ABHD5: variants seen among roughly 807,000 people sequenced by gnomAD.
ABHD5 encodes 1-acylglycerol-3-phosphate O-acyltransferase ABHD5.
In ABHD5, 30 loss-of-function variants were observed where a neutral mutation model predicts 44.9. That is an observed-to-expected ratio of 0.67 (90% confidence interval 0.50 to 0.91). The LOEUF is 0.91. Among genes scored for constraint, ABHD5 ranks in the 40% least tolerant of loss-of-function variants. ABHD5 has a pLI of 0.00. For missense variants in ABHD5, 399 were observed against 423.4 expected, an observed-to-expected ratio of 0.94 and a Z score of 0.50; for synonymous variants, 167 against 147.0, an observed-to-expected ratio of 1.14 and a Z score of -0.99.
At chr3:43,714,836 G>T in intron 4 of ABHD5, 111 bp from the exon 5 acceptor site, 1 of 695,270 alleles carries the variant, frequency 1.4e-6, no homozygotes. Flanking sequence ...ATATATATAT[G>T]TGTGCATATA....
At chr3:43,701,329 A>G (rs976043794) in intron 2 of ABHD5, among the ~76,000 whole-genome samples, 2 of 152,222 alleles carry the variant, frequency 1.3e-5, no homozygotes, top group African/African-American at 4.8e-5. Context: ...TGCTGCCACT[A>G]TGTGGATACA....
chr3:43,696,454 G>A (rs531316149), intron 1 of ABHD5, among the ~76,000 whole-genome samples: 80 of 152,272 alleles, frequency 5.3e-4, no homozygotes, highest in Middle Eastern at 3.4e-3. Flanking sequence ...CTAAACCTAG[G>A]AATGCTGAGC....
At chr3:43,696,168 T>G (rs2084472189) in intron 1 of ABHD5, among the ~76,000 whole-genome samples, 2 of 152,212 alleles carry the variant, frequency 1.3e-5, no homozygotes, top group African/African-American at 4.8e-5. Context: ...ATGACTTCTC[T>G]TTGTATTACA....
intron 1 of ABHD5, 87 bp downstream of exon 1, chr3:43,691,126 GA>G: frequency 7.7e-7 from 1 of 1,305,996 alleles, no homozygotes; most frequent in Non-Finnish European, 9.9e-7. Context: ...CAGCACCAAG[GA>G]GTCGCCGCCC....
chr3:43,717,535 A>G (rs1391657725), intron 5 of ABHD5, 136 bp from the exon 6 acceptor site: 7 of 891,770 alleles, frequency 7.8e-6, no homozygotes, highest in Non-Finnish European at 1.3e-5. Context: ...TGTCTCATAA[A>G]TTATTTTCTA....
At chr3:43,734,229 A>G (rs571326201) in exon 8 of ABHD5, 1 of 152,326 alleles carries the variant, frequency 6.6e-6, no homozygotes, top group South Asian at 2.1e-4. Context: ...ACACCCCTGC[A>G]GCCGATGATT....
In ABHD5 at chr3:43,721,392, C is replaced by T. The variant is rs2084834127; in HGVS notation, c.*2860C>T. ...TAATCTGACAGTGAGAAAAACTTTCCTAGGACTGAAAATTCAGAAGCAATA... is the reference window on the plus strand; with the variant it reads ...TAATCTGACAGTGAGAAAAACTTTCTTAGGACTGAAAATTCAGAAGCAATA... On this transcript the variant is annotated 3_prime_UTR_variant, in exon 7 of 7. Coordinates refer to ENST00000644371, the MANE Select transcript of ABHD5 (RefSeq NM_016006.6). The T allele has an allele frequency of 6.6e-6, 1 of 151,878 alleles. No homozygotes were observed. 9.4% of individuals were successfully genotyped at this position (151,878 alleles called of 1,614,324 possible).
intron 7 of ABHD5, among the ~76,000 whole-genome samples, chr3:43,731,404 A>G (rs1286763255): frequency 6.6e-6 from 1 of 152,230 alleles, no homozygotes; most frequent in African/African-American, 2.4e-5. Context: ...TTAGAATTCT[A>G]TATTCTGTTT....
downstream of ABHD5, among the ~76,000 whole-genome samples, chr3:43,727,523 G>A (rs890409159): frequency 1.3e-5 from 2 of 152,162 alleles, no homozygotes; most frequent in Non-Finnish European, 1.5e-5. Context: ...GCAATCTATA[G>A]ATATTTCACT....
chr3:43,711,595 G>A (rs1002105356), intron 3 of ABHD5, 114 bp from the exon 4 acceptor site: 17 of 1,188,144 alleles, frequency 1.4e-5, no homozygotes, highest in African/African-American at 7.6e-5. Context: ...AATCTTTAAC[G>A]TGAAGGTTTT....
intron 3 of ABHD5, among the ~76,000 whole-genome samples, chr3:43,706,490 TG>T (rs1323290279): frequency 1.3e-5 from 2 of 151,670 alleles, no homozygotes; most frequent in African/African-American, 4.8e-5. Flanking sequence ...TTCTTAGAGA[TG>T]GGGTCTTACT....
At position 43,699,305 on chromosome 3, in the gene ABHD5, C is replaced by T; in HGVS notation, c.77C>T (p.Thr26Ile). The stretch of plus-strand genomic sequence containing the variant: ...GGATGGCTAACTGGTTGGCTCCCCA[C>T]ATGGTGCCCTACGTCTATATCACAC... Reference protein sequence around the residue: ...RSGWLTGWLPTWCPTSISHLK... With the variant: ...RSGWLTGWLPIWCPTSISHLK... The change falls in exon 2 of 7, where the codon ACA becomes ATA. Residue 26 changes from threonine (T) to isoleucine (I), a missense_variant. Coordinates refer to ENST00000644371, the MANE Select transcript of ABHD5 (RefSeq NM_016006.6). The T allele has an allele frequency of 1.2e-6, 2 of 1,614,092 alleles. No homozygotes were observed. Among genetic ancestry groups the T allele is most frequent in the Non-Finnish European group, 8.5e-7 (1 of 1,179,936 alleles).
Position 43,731,589 on chromosome 3 carries a change from T to C in ABHD5, c.*30-2291T>C, listed in dbSNP as rs561253098. Among the ~76,000 whole-genome samples, 3 of 152,236 alleles carry C rather than the reference T, an allele frequency of 2.0e-5. No individual in the cohort carries two copies. The South Asian group carries it at 6.2e-4, about 32-fold the overall frequency. ...GCTCACACCTGTAATCCCAGCAGTT[T>C]GGGAGGCCAAGGCAGGCGGATCACC... On this transcript the variant is annotated intron_variant, in intron 7 of 7. Transcript: ENST00000454293.
chr3:43,726,306 G>A (rs1042420399), downstream of ABHD5, among the ~76,000 whole-genome samples: 6 of 152,054 alleles, frequency 3.9e-5, no homozygotes, highest in Non-Finnish European at 2.9e-5. Flanking sequence ...TATTTCTGTC[G>A]GGACTTAGGA....
chr3:43,718,894 G>A lies in ABHD5; in HGVS notation c.*362G>A, dbSNP rs762532845. The A allele has an allele frequency of 6.3e-5, 15 of 239,646 alleles. No homozygotes were observed. The highest frequency in any genetic ancestry group is 7.5e-5 in the Non-Finnish European group (9 of 120,272). The allele number at this position is 239,646 out of a possible 1,614,324, so 14.8% of individuals were successfully genotyped here. ...GCAATCTATATTACCAATTTAGGAAGTGATTTCTGAGTCTCTTACACTGTA... is the reference window on the plus strand; with the variant it reads ...GCAATCTATATTACCAATTTAGGAAATGATTTCTGAGTCTCTTACACTGTA... On this transcript the variant is annotated 3_prime_UTR_variant, in exon 7 of 7. Transcript: ENST00000644371.
downstream of ABHD5, among the ~76,000 whole-genome samples, chr3:43,723,824 AC>A (rs1229824711): frequency 6.6e-6 from 1 of 152,218 alleles, no homozygotes; most frequent in Non-Finnish European, 1.5e-5. Context: ...TTTGAACAAA[AC>A]AAAAAGACAT....
intron 1 of ABHD5, among the ~76,000 whole-genome samples, chr3:43,697,549 T>A (rs1013566956): frequency 1.3e-5 from 2 of 152,200 alleles, no homozygotes; most frequent in Non-Finnish European, 2.9e-5. Context: ...GTTCTTTTAT[T>A]TTAATGGCCT....
At position 43,718,613 on chromosome 3, in the gene ABHD5, T is replaced by G; in HGVS notation, c.*81T>G. The G allele has an allele frequency of 7.5e-7, 1 of 1,334,782 alleles. No homozygotes were observed. Among genetic ancestry groups the G allele is most frequent in the South Asian group, 1.2e-5 (1 of 85,138 alleles). The allele number at this position is 1,334,782 out of a possible 1,614,324, so 82.7% of individuals were successfully genotyped here. A position where few individuals can be genotyped will look rare whatever the true frequency, so the allele number is the denominator to read the frequency against. ...ATTCATAGTCTGTGATGAAGAGTAG[T>G]GAATACAACACACAACCAGGCAGCC... is the stretch of plus-strand genomic sequence containing the variant. On this transcript the variant is annotated 3_prime_UTR_variant, in exon 7 of 7. Transcript: ENST00000644371.
chr3:43,725,776 A>C (rs950052774), downstream of ABHD5, among the ~76,000 whole-genome samples: 2 of 152,156 alleles, frequency 1.3e-5, no homozygotes, highest in Non-Finnish European at 2.9e-5. Context: ...AAAGAAATAG[A>C]AATATTAGTC....
Sources: allele counts gnomAD v4.1 joint callset (sites outside exome capture counted in the v4.1 genomes callset), GRCh38; gene constraint gnomAD v4.1.1; transcripts MANE v1.5; gene names NCBI Gene and HGNC (gene_info 2026-07-23, HGNC 2026-07-21).